PTPN3: variants seen among roughly 807,000 people sequenced by gnomAD.
PTPN3 encodes protein tyrosine phosphatase non-receptor type 3.
Under a neutral mutation model 132.7 loss-of-function variants are expected in PTPN3, and 96 were observed. The observed-to-expected ratio is 0.72, with a 90% CI of 0.61 to 0.86. PTPN3 has a LOEUF of 0.86. PTPN3 is among the 40% of genes least tolerant of loss of function. PTPN3 has a pLI of 0.00. For synonymous variants in PTPN3, 398 were observed against 429.0 expected (o/e 0.93, Z 0.89); for missense variants, 1,125 against 1,159.6 (o/e 0.97, Z 0.43).
At chr9:109,444,152 G>GT (rs1195952160) in intron 7 of PTPN3, among the ~76,000 whole-genome samples, 1 of 152,186 alleles carries the variant, frequency 6.6e-6, no homozygotes, top group Non-Finnish European at 1.5e-5. Flanking sequence ...GGTCAACAGG[G>GT]TAATAGGCCA....
chr9:109,516,209 A>C, the PTPN3 span, among the ~76,000 whole-genome samples: 1 of 152,252 alleles, frequency 6.6e-6, no homozygotes, highest in Non-Finnish European at 1.5e-5. Context: ...GATGATAGGA[A>C]GATGGTCTGC....
Position 109,395,808 on chromosome 9 carries a change from G to GTC in PTPN3, c.1954-4249_1954-4248dup, listed in dbSNP as rs888599436. Among the ~76,000 whole-genome samples the GTC allele has an allele frequency of 1.0e-4, 15 of 148,882 alleles. No individual in the cohort carries two copies. In the South Asian group the frequency reaches 2.4e-3, roughly 23 times the overall value. ...TCTGTGTGTGTCTGTCTGTGTGTGT[G>GTC]TCTCTCTCTCTCTATATATATGTAT... On this transcript the variant is annotated intron_variant, in intron 19 of 25. Transcript: ENST00000374541.
At chr9:109,468,593 C>T (rs1045974813) in intron 1 of PTPN3, among the ~76,000 whole-genome samples, 1 of 152,190 alleles carries the variant, frequency 6.6e-6, no homozygotes, top group African/African-American at 2.4e-5. Flanking sequence ...GTCTCGATCT[C>T]CTGACCTCGT....
In PTPN3 at chr9:109,410,883, G is replaced by A. The variant is rs570386339; in HGVS notation, c.1314-468C>T. 9.2e-5 allele frequency among the ~76,000 whole-genome samples: 14 copies of A among 152,250 alleles called. No homozygotes were observed. The South Asian group carries it at 2.5e-3, about 27-fold the overall frequency. On this transcript the variant is annotated intron_variant, in intron 14 of 25. Transcript: ENST00000374541. ...GGAAACAGGACTGTTGTTGTTGTGC[G>A]TTCAGGAGAATTTATATTATTCCTA...
intron 14 of PTPN3, among the ~76,000 whole-genome samples, chr9:109,418,088 C>T (rs566309311): frequency 6.6e-6 from 1 of 152,160 alleles, no homozygotes; most frequent in South Asian, 2.1e-4. Context: ...GATGGGACTG[C>T]AGACCACAGG....
At chr9:109,500,281 A>G (rs1228527318), upstream of PTPN3, among the ~76,000 whole-genome samples, 1 of 152,180 alleles carries the variant, frequency 6.6e-6, no homozygotes, top group Non-Finnish European at 1.5e-5. Context: ...AGGATGTGTG[A>G]ATTTTCGAAG....
rs577152622 is a variant in PTPN3, at chr9:109,428,609, A to G, written c.828+12T>C. Reference sequence around the variant, plus strand: ...TGCACGAAACAAAGCAAGCAAAGACATAACTACTCACCTGTTTCTGTCGCT... The same window carrying G: ...TGCACGAAACAAAGCAAGCAAAGACGTAACTACTCACCTGTTTCTGTCGCT... On this transcript the variant is annotated intron_variant, in intron 11 of 25. Transcript: ENST00000374541. 2 of 1,612,306 alleles carry G rather than the reference A, an allele frequency of 1.2e-6. No homozygotes were observed. The highest frequency in any genetic ancestry group is 1.7e-6 in the Non-Finnish European group (2 of 1,178,586).
intron 12 of PTPN3, among the ~76,000 whole-genome samples, chr9:109,426,013 C>CAAAAA (rs71372567): frequency 2.0e-5 from 1 of 51,056 alleles, no homozygotes. Context: ...GACTCCATCT[C>CAAAAA]AAAAAAAAAA....
intron 12 of PTPN3, among the ~76,000 whole-genome samples, chr9:109,424,634 G>GGA (rs1843115174): frequency 6.6e-6 from 1 of 152,220 alleles, no homozygotes; most frequent in Admixed American, 6.5e-5. Flanking sequence ...GAGTCCAGGT[G>GGA]AGTCCAGCCT....
intron 21 of PTPN3, 107 bp from the exon 22 acceptor site, chr9:109,389,486 T>G: frequency 3.4e-6 from 4 of 1,159,524 alleles, no homozygotes; most frequent in Non-Finnish European, 4.7e-6. Context: ...CCAGAAAAAT[T>G]ATCTCTTTAT....
chr9:109,477,831 C>A (rs189486847), intron 1 of PTPN3, among the ~76,000 whole-genome samples: 1 of 152,242 alleles, frequency 6.6e-6, no homozygotes, highest in African/African-American at 2.4e-5. Flanking sequence ...CCAGGGATCT[C>A]GGAACTGCCA....
At chr9:109,537,692 G>A in the PTPN3 span, among the ~76,000 whole-genome samples, 3 of 152,314 alleles carry the variant, frequency 2.0e-5, no homozygotes, top group Admixed American at 6.5e-5. Flanking sequence ...AGCCTTACTG[G>A]TCCCTCAACA....
chr9:109,438,828 G>A (rs1001120715), intron 7 of PTPN3, among the ~76,000 whole-genome samples: 1 of 152,212 alleles, frequency 6.6e-6, no homozygotes. Context: ...AGGTGGGTGG[G>A]AGTGGGGCTG....
At chr9:109,382,195 C>A in intron 24 of PTPN3, 107 bp downstream of exon 24, 1 of 1,358,298 alleles carries the variant, frequency 7.4e-7, no homozygotes, top group Non-Finnish European at 1.0e-6. Context: ...TTTGTAAGGG[C>A]ACACGACTTT....
At chr9:109,428,513 A>C in intron 11 of PTPN3, 108 bp downstream of exon 11, 1 of 1,153,640 alleles carries the variant, frequency 8.7e-7, no homozygotes, top group Non-Finnish European at 1.2e-6. Context: ...TGGGAGGCTG[A>C]GGCAGGAGGA....
Position 109,405,612 on chromosome 9 carries a change from T to C in PTPN3, c.1792+850A>G, listed in dbSNP as rs959585926. Among the ~76,000 whole-genome samples, 6 of 152,194 alleles carry C rather than the reference T, an allele frequency of 3.9e-5. No homozygotes were observed. In the East Asian group the frequency reaches 1.2e-3, roughly 29 times the overall value. On this transcript the variant is annotated intron_variant, in intron 18 of 25. Coordinates refer to ENST00000374541, the MANE Select transcript of PTPN3 (RefSeq NM_002829.4). ...CCATTGATTGATTGAATGATTGAGA[T>C]GGAGTCTCACTCTGTCACCCAGGCT...
At chr9:109,448,902 CAAAA>C in intron 5 of PTPN3, 47 bp from the exon 6 acceptor site, 644 of 1,288,922 alleles carry the variant, frequency 5.0e-4, no homozygotes, top group South Asian at 1.4e-3. Context: ...CTGAAATAAG[CAAAA>C]AAAAAAAAAA....
chr9:109,510,572 A>ATATATATAT, the PTPN3 span, among the ~76,000 whole-genome samples: 1 of 55,210 alleles, frequency 1.8e-5, no homozygotes, highest in Non-Finnish European at 3.6e-5. Flanking sequence ...AAAAAAAAAA[A>ATATATATAT]AAAAATATAT....
rs140324204 is a variant in PTPN3 at position 109,406,716 on chromosome 9, A to G, written c.1636-98T>C. 13,571 of 1,493,166 alleles carry G rather than the reference A, an allele frequency of 9.1e-3. 80 individuals carry two copies. Among genetic ancestry groups the G allele is most frequent in the Middle Eastern group, 0.021 (116 of 5,622 alleles). The allele number at this position is 1,493,166 out of a possible 1,614,324, so 92.5% of individuals were successfully genotyped here. Reference sequence around the variant, plus strand: ...CTGCTCCCAGACACCTGGGACCATGATCAAGTTTGCCTTCTCTCCCTCGGG... The same window carrying G: ...CTGCTCCCAGACACCTGGGACCATGGTCAAGTTTGCCTTCTCTCCCTCGGG... On this transcript the variant is annotated intron_variant, in intron 17 of 25. Coordinates refer to ENST00000374541, the MANE Select transcript of PTPN3 (RefSeq NM_002829.4).
Sources: allele counts gnomAD v4.1 joint callset (sites outside exome capture counted in the v4.1 genomes callset), GRCh38; gene constraint gnomAD v4.1.1; transcripts MANE v1.5; gene names NCBI Gene and HGNC (gene_info 2026-07-23, HGNC 2026-07-21).